C22orf15: variants seen among roughly 807,000 people sequenced by gnomAD.
The protein encoded by C22orf15 is chromosome 22 open reading frame 15, also known as uncharacterized protein C22orf15.
Under a neutral mutation model 20.3 loss-of-function variants are expected in C22orf15, and 21 were observed. That is an observed-to-expected ratio of 1.04 (90% CI 0.74 to 1.49). C22orf15 has a LOEUF of 1.49. C22orf15 is among the 40% of genes most tolerant of loss of function. The probability of loss-of-function intolerance (pLI) is 0.00; values close to 1 mark genes in which losing one functional copy is unlikely to be tolerated. For missense variants in C22orf15, 170 were observed against 191.1 expected, an observed-to-expected ratio of 0.89 and a Z score of 0.65; for synonymous variants, 78 against 75.4, an observed-to-expected ratio of 1.03 and a Z score of -0.18.
intron 1 of C22orf15, 145 bp from the exon 2 acceptor site, chr22:23,763,942 T>G (rs186852152): frequency 2.8e-6 from 2 of 719,996 alleles, no homozygotes; most frequent in Admixed American, 5.0e-5. Flanking sequence ...CAACAGATGT[T>G]GGAGCTGTTA....
At chr22:23,765,502 G>A in intron 5 of C22orf15, 3 of 1,550,580 alleles carry the variant, frequency 1.9e-6, no homozygotes, top group Non-Finnish European at 2.6e-6. Context: ...AGCTGTGGGT[G>A]CAGAGAATGG....
intron 5 of C22orf15, chr22:23,765,245 C>T (rs560390308): frequency 4.9e-5 from 73 of 1,475,252 alleles, no homozygotes; most frequent in Admixed American, 6.9e-5. Flanking sequence ...TGTGATGGCA[C>T]GGCCCACACT....
chr22:23,765,439 C>T (rs1034821267), intron 5 of C22orf15: 7 of 1,550,896 alleles, frequency 4.5e-6, no homozygotes, highest in Non-Finnish European at 6.1e-6. Flanking sequence ...TGAGAAGTTG[C>T]ATCAGCAAGA....
At chr22:23,763,719 C>T (rs1926103584) in intron 1 of C22orf15, among the ~76,000 whole-genome samples, 1 of 152,178 alleles carries the variant, frequency 6.6e-6, no homozygotes, top group Non-Finnish European at 1.5e-5. Context: ...GCGGGTCGGC[C>T]CTGTGCGGTA....
At chr22:23,765,107 C>A in intron 5 of C22orf15, 1 of 1,437,302 alleles carries the variant, frequency 7.0e-7, no homozygotes. Context: ...CCCACCACCC[C>A]ACGGGAGTGC....
chr22:23,763,852 A>G (rs1926132412), intron 1 of C22orf15, among the ~76,000 whole-genome samples: 1 of 152,254 alleles, frequency 6.6e-6, no homozygotes, highest in South Asian at 2.1e-4. Context: ...TCAAGAGACC[A>G]ACACTTGGGA....
chr22:23,762,999 C>G lies in C22orf15; in HGVS notation c.-308C>G. 1 of 430,776 alleles carries G rather than the reference C, an allele frequency of 2.3e-6. No homozygotes were observed. The highest frequency in any genetic ancestry group is 4.1e-6 in the Non-Finnish European group (1 of 243,810). The allele number at this position is 430,776 out of a possible 1,614,324, so 26.7% of individuals were successfully genotyped here. On this transcript the variant is annotated 5_prime_UTR_variant, in exon 1 of 6. Transcript: ENST00000402217. ...AAGGCATTTCCTGCCTAGATGTCTCCGCCCCCACTGCCATGGAGACCAGCT... is the reference window on the plus strand; with the variant it reads ...AAGGCATTTCCTGCCTAGATGTCTCGGCCCCCACTGCCATGGAGACCAGCT...
At chr22:23,765,656 C>A (rs1926685873) in intron 5 of C22orf15, 65 bp from the exon 6 acceptor site, 2 of 1,521,550 alleles carry the variant, frequency 1.3e-6, no homozygotes, top group Admixed American at 2.1e-5. Context: ...CTCTGGACTG[C>A]CCAAGGAATC....
chr22:23,763,248 T>C lies in C22orf15; in HGVS notation c.-59T>C. ...GTCTCTGCTCCACGCTTTTCCTTAG[T>C]TGGGGAATCGAGAGTTGGGGGATCA... is the stretch of plus-strand genomic sequence containing the variant. On this transcript the variant is annotated 5_prime_UTR_variant, in exon 1 of 6. Transcript: ENST00000402217. The C allele has an allele frequency of 3.2e-6, 5 of 1,547,598 alleles. No individual in the cohort carries two copies. The highest frequency in any genetic ancestry group is 4.4e-6 in the Non-Finnish European group (5 of 1,144,780).
rs1194220198 is a variant in C22orf15 at position 23,764,733 on chromosome 22, C to T, written c.325+20C>T. On this transcript the variant is annotated intron_variant, in intron 4 of 5. Coordinates refer to ENST00000402217, the MANE Select transcript of C22orf15 (RefSeq NM_182520.3). Reference sequence around the variant, plus strand: ...TGGCAGGTGAGTGTCAGGGTACAGCCCAGGGGGAGGGCACACCTTCTCCCT... The same window carrying T: ...TGGCAGGTGAGTGTCAGGGTACAGCTCAGGGGGAGGGCACACCTTCTCCCT... 6.2e-7 allele frequency: 1 copy of T among 1,614,030 alleles called. No individual in the cohort carries two copies. Among genetic ancestry groups the T allele is most frequent in the East Asian group, 2.2e-5 (1 of 44,894 alleles).
chr22:23,764,206 G>C, intron 2 of C22orf15, 33 bp downstream of exon 2: 1 of 1,551,664 alleles, frequency 6.4e-7, no homozygotes, highest in Non-Finnish European at 8.7e-7. Context: ...GAGGGGCTGA[G>C]GGGTCCCAGG....
chr22:23,764,436 A>G, intron 3 of C22orf15, 39 bp downstream of exon 3: 1 of 1,599,604 alleles, frequency 6.3e-7, no homozygotes. Context: ...CAGCTATGGT[A>G]GAATGTAAGA....
At chr22:23,764,424 T>C (rs745480957) in intron 3 of C22orf15, 27 bp downstream of exon 3, 7 of 1,587,590 alleles carry the variant, frequency 4.4e-6, no homozygotes, top group African/African-American at 1.3e-5. Flanking sequence ...TTCTCTCCCC[T>C]GCAGCTATGG....
At position 23,765,668 on chromosome 22, in the gene C22orf15, G is replaced by T. The variant is rs995171509; in HGVS notation, c.436-53G>T. 3.9e-6 allele frequency: 6 copies of T among 1,530,990 alleles called. No homozygotes were observed. In the African/African-American group the frequency reaches 6.9e-5, roughly 18 times the overall value. 94.8% of individuals were successfully genotyped at this position (1,530,990 alleles called of 1,614,324 possible). A position where few individuals can be genotyped will look rare whatever the true frequency, so the allele number is the denominator to read the frequency against. ...TCACTCTGGACTGCCCAAGGAATCT[G>T]TCCTGTGCTACCCACAGTGCAGATT... On this transcript the variant is annotated intron_variant, in intron 5 of 5. Coordinates refer to ENST00000402217, the MANE Select transcript of C22orf15 (RefSeq NM_182520.3).
Position 23,763,181 on chromosome 22 carries a change from T to C in C22orf15, c.-126T>C. The C allele has an allele frequency of 1.5e-6, 2 of 1,323,930 alleles. No individual in the cohort carries two copies. The highest frequency in any genetic ancestry group is 2.1e-6 in the Non-Finnish European group (2 of 954,086). The allele number at this position is 1,323,930 out of a possible 1,614,324, so 82.0% of individuals were successfully genotyped here. A position where few individuals can be genotyped will look rare whatever the true frequency, so the allele number is the denominator to read the frequency against. On this transcript the variant is annotated 5_prime_UTR_variant, in exon 1 of 6. Coordinates refer to ENST00000402217, the MANE Select transcript of C22orf15 (RefSeq NM_182520.3). Reference sequence around the variant, plus strand: ...GGCCCTGGGACCCAGCCATCCACACTCACACATCCACTTCTCCCTCCAGAG... The same window carrying C: ...GGCCCTGGGACCCAGCCATCCACACCCACACATCCACTTCTCCCTCCAGAG...
At position 23,763,293 on chromosome 22, in the gene C22orf15, C is replaced by G; in HGVS notation, c.-14C>G. The G allele has an allele frequency of 1.3e-6, 2 of 1,550,402 alleles. No individual in the cohort carries two copies. The highest frequency in any genetic ancestry group is 1.2e-5 in the South Asian group (1 of 83,876). On this transcript the variant is annotated 5_prime_UTR_variant, in exon 1 of 6. Coordinates refer to ENST00000402217, the MANE Select transcript of C22orf15 (RefSeq NM_182520.3). Reference sequence around the variant, plus strand: ...GGATCAAAGCCCCCCACATCTCCCTCACCCGCTGCAGCTATGTTTATCAAG... The same window carrying G: ...GGATCAAAGCCCCCCACATCTCCCTGACCCGCTGCAGCTATGTTTATCAAG...
intron 5 of C22orf15, 180 bp downstream of exon 5, chr22:23,765,082 A>G: frequency 6.9e-7 from 1 of 1,446,456 alleles, no homozygotes. Flanking sequence ...AACACACTGT[A>G]CCCTGAGACA....
intron 1 of C22orf15, 78 bp from the exon 2 acceptor site, chr22:23,764,009 A>T: frequency 1.5e-6 from 2 of 1,377,788 alleles, no homozygotes; most frequent in Non-Finnish European, 2.0e-6. Context: ...AAAGGGAGAG[A>T]TGGGAGGGAG....
At chr22:23,764,535 T>C (rs770038408) in intron 3 of C22orf15, 104 bp from the exon 4 acceptor site, 99 of 1,557,600 alleles carry the variant, frequency 6.4e-5, no homozygotes, top group Non-Finnish European at 8.6e-5. Flanking sequence ...CCCTACCCAA[T>C]GCTCTGCTCC....
Sources: gnomAD v4.1 joint callset for allele counts (sites outside exome capture counted in the v4.1 genomes callset) on GRCh38, gnomAD v4.1.1 for gene constraint, MANE v1.5 for transcripts, NCBI Gene and HGNC (gene_info 2026-07-23, HGNC 2026-07-21) for gene names.